The following SCAPER variants were observed in gnomAD, a reference collection of about 807,000 sequenced individuals.
SCAPER encodes the protein S-phase cyclin A associated protein in the ER.
SCAPER carries 98 observed loss-of-function variants against 182.2 expected under a neutral mutation model. The ratio of observed to expected loss-of-function variants is 0.54; its 90% CI spans 0.46 to 0.64. SCAPER has a LOEUF of 0.64. Among genes scored for constraint, SCAPER ranks in the 30% least tolerant of loss-of-function variants. The pLI, the probability that SCAPER is intolerant of heterozygous loss-of-function variation, is 0.00. For synonymous variants in SCAPER, 605 were observed against 564.6 expected (o/e 1.07, Z -1.01); for missense variants, 1,432 against 1,690.0 (o/e 0.85, Z 2.68).
chr15:76,874,146 G>A (rs554988507), intron 2 of SCAPER, among the ~76,000 whole-genome samples: 41 of 152,070 alleles, frequency 2.7e-4, no homozygotes, highest in African/African-American at 6.7e-4. Flanking sequence ...CATCTGCCTC[G>A]TCCTCCCAAA....
At chr15:76,575,862 CTG>C (rs940293687) in intron 22 of SCAPER, among the ~76,000 whole-genome samples, 4 of 152,188 alleles carry the variant, frequency 2.6e-5, no homozygotes, top group African/African-American at 4.8e-5. Flanking sequence ...TAGAAATATT[CTG>C]TGTTTTTACT....
chr15:76,417,171 C>A (rs916632937), intron 26 of SCAPER, among the ~76,000 whole-genome samples: 1 of 151,482 alleles, frequency 6.6e-6, no homozygotes, highest in Admixed American at 6.6e-5. Context: ...AAAACACAAA[C>A]CCGGTAATTA....
At chr15:76,776,827 C>A (rs1168267012) in intron 8 of SCAPER, among the ~76,000 whole-genome samples, 1 of 152,076 alleles carries the variant, frequency 6.6e-6, no homozygotes. Context: ...AGACCAAGAA[C>A]AATCTCAGAA....
At chr15:76,441,639 A>G (rs747375768) in intron 25 of SCAPER, among the ~76,000 whole-genome samples, 2 of 152,110 alleles carry the variant, frequency 1.3e-5, no homozygotes, top group Non-Finnish European at 2.9e-5. Flanking sequence ...AGGTAACCTC[A>G]TGACTAATTT....
intron 10 of SCAPER, among the ~76,000 whole-genome samples, chr15:76,770,356 T>TA (rs1001904545): frequency 2.7e-4 from 40 of 147,672 alleles, no homozygotes; most frequent in African/African-American, 6.7e-4. Flanking sequence ...AGTATAATTT[T>TA]AAAAAAAAAA....
chr15:76,584,419 T>C (rs187730219), intron 22 of SCAPER, among the ~76,000 whole-genome samples: 1 of 150,398 alleles, frequency 6.6e-6, no homozygotes, highest in Non-Finnish European at 1.5e-5. Context: ...ATTGGATAGT[T>C]TGTGACATTA....
chr15:76,731,908 C>T (rs557055363), intron 16 of SCAPER, among the ~76,000 whole-genome samples: 22 of 152,156 alleles, frequency 1.4e-4, no homozygotes, highest in African/African-American at 3.9e-4. Flanking sequence ...CATTTTTAAA[C>T]GAAAGATAAC....
At chr15:76,424,134 GTCT>G (rs1007118692) in intron 26 of SCAPER, among the ~76,000 whole-genome samples, 73 of 152,260 alleles carry the variant, frequency 4.8e-4, no homozygotes, top group African/African-American at 1.8e-3. Context: ...TGTCTGTTAG[GTCT>G]TCTTGGTGCA....
At chr15:76,804,495 C>G in intron 6 of SCAPER, 38 bp downstream of exon 6, 1 of 1,376,222 alleles carries the variant, frequency 7.3e-7, no homozygotes, top group Non-Finnish European at 1.0e-6. Context: ...ATTGAAACTG[C>G]TGGATGATAG....
At position 76,549,267 on chromosome 15, in the gene SCAPER, G is replaced by A. The variant is rs545689538; in HGVS notation, c.2838+24891C>T. Among the ~76,000 whole-genome samples the A allele has an allele frequency of 9.6e-4, 146 of 152,172 alleles. 1 individual carries two copies. The Middle Eastern group carries it at 0.014, about 14-fold the overall frequency. ...CAACCCTATTACTGGGTATATACCC[G>A]AAGGATTATAAATCATGCTGCTATA... On this transcript the variant is annotated intron_variant, in intron 23 of 31. Coordinates refer to ENST00000563290, the MANE Select transcript of SCAPER (RefSeq NM_020843.4).
At chr15:76,380,869 A>C (rs1221799105) in intron 28 of SCAPER, 1 of 152,418 alleles carries the variant, frequency 6.6e-6, no homozygotes, top group Non-Finnish European at 1.5e-5. Context: ...TTGGACACAA[A>C]ATCAGCTAAA....
rs554684809 is a variant in SCAPER at position 76,624,253 on chromosome 15, T to C, written c.2646-2424A>G. Among the ~76,000 whole-genome samples the C allele has an allele frequency of 3.9e-4, 59 of 152,258 alleles. No individual in the cohort carries two copies. The South Asian group carries it at 5.6e-3, about 14-fold the overall frequency. On this transcript the variant is annotated intron_variant, in intron 21 of 31. Transcript: ENST00000563290. ...GTAGCATTTCTATACACCGATAACATTGAAGGTGAGAGCCAAATCAAGAAT... is the reference window on the plus strand; with the variant it reads ...GTAGCATTTCTATACACCGATAACACTGAAGGTGAGAGCCAAATCAAGAAT...
At chr15:76,395,876 C>T (rs1292242151) in intron 27 of SCAPER, among the ~76,000 whole-genome samples, 1 of 152,094 alleles carries the variant, frequency 6.6e-6, no homozygotes, top group Non-Finnish European at 1.5e-5. Flanking sequence ...ATTTTTGCTT[C>T]GGTTGCCTGT....
At chr15:76,884,599 G>A (rs2073745543) in intron 1 of SCAPER, among the ~76,000 whole-genome samples, 1 of 152,128 alleles carries the variant, frequency 6.6e-6, no homozygotes, top group Admixed American at 6.5e-5. Context: ...GCAGCAAATG[G>A]AACCAAACCT....
intron 2 of SCAPER, among the ~76,000 whole-genome samples, chr15:76,880,593 G>A (rs935294110): frequency 6.6e-6 from 1 of 151,840 alleles, no homozygotes; most frequent in Non-Finnish European, 1.5e-5. Flanking sequence ...GTCACAATTG[G>A]CAGATAAGAA....
At chr15:76,477,935 A>T (rs62028432) in intron 24 of SCAPER, among the ~76,000 whole-genome samples, 1 of 151,054 alleles carries the variant, frequency 6.6e-6, no homozygotes. Context: ...TTGCTATCTT[A>T]ATTTTTTTTT....
chr15:76,415,305 G>A (rs1596500210), intron 26 of SCAPER, among the ~76,000 whole-genome samples: 1 of 152,108 alleles, frequency 6.6e-6, no homozygotes, highest in East Asian at 1.9e-4. Context: ...ACATTTAACA[G>A]TATTTTCTGA....
chr15:76,444,529 C>A (rs2047856272), intron 25 of SCAPER, among the ~76,000 whole-genome samples: 1 of 152,256 alleles, frequency 6.6e-6, no homozygotes, highest in Admixed American at 6.5e-5. Context: ...TATGTTTAAT[C>A]TAATTACCTA....
intron 21 of SCAPER, among the ~76,000 whole-genome samples, chr15:76,622,390 A>C (rs948605236): frequency 6.6e-6 from 1 of 152,176 alleles, no homozygotes; most frequent in Admixed American, 6.5e-5. Context: ...CCACAATGTA[A>C]AACAATCTAG....
Sources: allele counts gnomAD v4.1 joint callset (sites outside exome capture counted in the v4.1 genomes callset), GRCh38; gene constraint gnomAD v4.1.1; transcripts MANE v1.5; gene names NCBI Gene and HGNC (gene_info 2026-07-23, HGNC 2026-07-21).